The following JAK2 variants were observed in gnomAD, a reference collection of about 807,000 sequenced individuals.
JAK2 encodes the protein Janus kinase 2, also known as tyrosine-protein kinase JAK2.
A neutral mutation model predicts 139.3 loss-of-function variants in JAK2; 86 were observed. The ratio of observed to expected loss-of-function variants is 0.62; its 90% CI spans 0.52 to 0.74. The LOEUF (loss-of-function observed/expected upper bound fraction) is 0.74. Ranked by LOEUF, JAK2 falls within the 30% of genes least tolerant of loss-of-function variation. JAK2 has a pLI of 0.00. For synonymous variants in JAK2, 490 were observed against 437.7 expected (o/e 1.12, Z -1.49); for missense variants, 1,421 against 1,360.3 (o/e 1.04, Z -0.70).
intron 22 of JAK2, chr9:5,112,570 C>A: frequency 3.0e-6 from 2 of 658,344 alleles, no homozygotes; most frequent in African/African-American, 1.9e-5. Context: ...CAGGGAGCGG[C>A]TGCGGGTCCC....
At chr9:5,077,058 AATTGTT>A (rs1363238842) in intron 14 of JAK2, among the ~76,000 whole-genome samples, 1 of 152,112 alleles carries the variant, frequency 6.6e-6, no homozygotes, top group East Asian at 1.9e-4. Flanking sequence ...TACTATAGAC[AATTGTT>A]AGTAATTTTT....
In JAK2 at chr9:5,041,945, T is replaced by A. The variant is rs1411823237; in HGVS notation, c.351-2458T>A. On this transcript the variant is annotated intron_variant, in intron 4 of 24. Coordinates refer to ENST00000381652, the MANE Select transcript of JAK2 (RefSeq NM_004972.4). ...ACGAAATGCTGCTGTTTCTTCCCCC[T>A]GAATCTTCTCCGTGCGGCCCCTTGG... 3.6e-5 allele frequency: 14 copies of A among 385,274 alleles called. No homozygotes were observed. The East Asian group carries it at 4.0e-4, about 11-fold the overall frequency. The allele number at this position is 385,274 out of a possible 1,614,324, so 23.9% of individuals were successfully genotyped here.
At chr9:5,027,942 A>G (rs1822884900) in intron 3 of JAK2, among the ~76,000 whole-genome samples, 1 of 152,196 alleles carries the variant, frequency 6.6e-6, no homozygotes, top group South Asian at 2.1e-4. Context: ...TAAATCCCTC[A>G]AAGATACCCA....
At chr9:5,126,176 T>G in intron 23 of JAK2, 157 bp from the exon 24 acceptor site, 1 of 548,722 alleles carries the variant, frequency 1.8e-6, no homozygotes, top group Admixed American at 3.5e-5. Flanking sequence ...TTAACAGCCT[T>G]ATGTTTTTGA....
rs139647461 is a variant in JAK2 at position 5,050,167 on chromosome 9, T to C, written c.469-519T>C. 3.0e-3 allele frequency among the ~76,000 whole-genome samples: 455 copies of C among 152,344 alleles called. 4 individuals are homozygous for C. The highest frequency in any genetic ancestry group is 0.01 in the African/African-American group (426 of 41,574). On this transcript the variant is annotated intron_variant, in intron 5 of 24. Transcript: ENST00000381652. ...TAATTTGAAGATATATTTAATGAAATAGGTTGATGTTATATGTACTCTGTA... is the reference window on the plus strand; with the variant it reads ...TAATTTGAAGATATATTTAATGAAACAGGTTGATGTTATATGTACTCTGTA...
At chr9:5,073,471 T>G (rs1819106230) in intron 13 of JAK2, among the ~76,000 whole-genome samples, 1 of 152,160 alleles carries the variant, frequency 6.6e-6, no homozygotes, top group South Asian at 2.1e-4. Context: ...GTACCACTCT[T>G]GCTCTCTCTC....
At position 5,054,894 on chromosome 9, in the gene JAK2, AATG is replaced by A; in HGVS notation, c.936+13_936+15del. Reference sequence around the variant, plus strand: ...GACACTGACAGAACAGGTAATCCTTAATGATATGTTCTTGTTCTTTGTTATTTT... The same window carrying A: ...GACACTGACAGAACAGGTAATCCTTAATATGTTCTTGTTCTTTGTTATTTT... On this transcript the variant is annotated intron_variant, in intron 7 of 24. Transcript: ENST00000381652. This position sits in a 1 kb window ranked among gnomAD's most constrained non-coding sequence, Gnocchi z 4.9. 6.5e-7 allele frequency: 1 copy of A among 1,540,530 alleles called. No homozygotes were observed. The highest frequency in any genetic ancestry group is 8.8e-7 in the Non-Finnish European group (1 of 1,132,238).
rs904795776 is a variant in JAK2 at position 5,080,220 on chromosome 9, A to G, written c.2132-9A>G. The G allele has an allele frequency of 1.2e-6, 2 of 1,603,738 alleles. No individual in the cohort carries two copies. Among genetic ancestry groups the G allele is most frequent in the Non-Finnish European group, 1.7e-6 (2 of 1,173,176 alleles). On this transcript the variant is annotated splice_polypyrimidine_tract_variant and intron_variant, in intron 16 of 24. Coordinates refer to ENST00000381652, the MANE Select transcript of JAK2 (RefSeq NM_004972.4). ...TATTTAACCCTACTCTGTTCGTATC[A>G]TTTAAAAGTTCTTCAGGAGAGAATA...
intron 22 of JAK2, chr9:5,112,464 C>A: frequency 1.8e-6 from 1 of 544,786 alleles, no homozygotes. Context: ...TGAAGGACCC[C>A]CGGGACCGGA....
rs752189813 is a variant in JAK2 at position 5,018,029 on chromosome 9, T to G, written c.-25-3934T>G. On this transcript the variant is annotated intron_variant, in intron 2 of 24. Coordinates refer to ENST00000381652, the MANE Select transcript of JAK2 (RefSeq NM_004972.4). ...GTTTTGTAAGTGGCATGTAGTTGGG[T>G]CATGTTTTTTAGTCCATTTAGCCAT... Among the ~76,000 whole-genome samples the G allele has an allele frequency of 7.9e-5, 12 of 152,310 alleles. No homozygotes were observed. The South Asian group carries it at 8.3e-4, about 11-fold the overall frequency.
intron 2 of JAK2, among the ~76,000 whole-genome samples, chr9:4,997,688 A>G (rs1005951065): frequency 6.6e-6 from 1 of 152,190 alleles, no homozygotes; most frequent in Non-Finnish European, 1.5e-5. Context: ...ATAGGCAACA[A>G]TTGAATATAT....
chr9:5,087,548 T>A (rs1419689085), intron 19 of JAK2, among the ~76,000 whole-genome samples: 1 of 152,234 alleles, frequency 6.6e-6, no homozygotes, highest in African/African-American at 2.4e-5. Context: ...TTCTTTTCGC[T>A]GTATTTTTCT....
intron 5 of JAK2, among the ~76,000 whole-genome samples, chr9:5,045,778 A>G (rs1258181787): frequency 6.6e-6 from 1 of 152,182 alleles, no homozygotes; most frequent in East Asian, 1.9e-4. Flanking sequence ...ATAATATTCC[A>G]TTGCATATGT....
intron 4 of JAK2, chr9:5,041,630 C>G: frequency 2.0e-6 from 1 of 500,790 alleles, no homozygotes; most frequent in South Asian, 1.6e-5. Flanking sequence ...GGCGCCTGGA[C>G]TTTGAGAAGC....
intron 4 of JAK2, chr9:5,041,190 A>G: frequency 2.9e-6 from 4 of 1,401,244 alleles, no homozygotes; most frequent in Non-Finnish European, 4.0e-6. Flanking sequence ...CTCATTTACC[A>G]GGACGTGAAG....
intron 3 of JAK2, among the ~76,000 whole-genome samples, chr9:5,022,420 T>C (rs577082095): frequency 6.6e-5 from 10 of 152,186 alleles, no homozygotes; most frequent in African/African-American, 2.4e-4. Context: ...CAAAACAAAT[T>C]GATGCCCATA....
At position 5,088,409 on chromosome 9, in the gene JAK2, CAAT is replaced by C. The variant is rs1201943328; in HGVS notation, c.2572-1260_2572-1258del. On this transcript the variant is annotated intron_variant, in intron 19 of 24. Transcript: ENST00000381652. ...TACATTGTTTTATCCTGTAAGAATG[CAAT>C]AATATCCAAAATACACTAATTTGAT... is the stretch of plus-strand genomic sequence containing the variant. Among the ~76,000 whole-genome samples, 4 of 152,074 alleles carry C rather than the reference CAAT, an allele frequency of 2.6e-5. No individual in the cohort carries two copies. In the South Asian group the frequency reaches 6.2e-4, roughly 24 times the overall value.
rs113528005 is a variant in JAK2 at position 4,994,008 on chromosome 9, C to T, written c.-26+7986C>T. Reference sequence around the variant, plus strand: ...ATGTCCTGTCTAGGGTTGGTTCCCACCTTGTGCCTTGAGTTGCTAGGATAG... The same window carrying T: ...ATGTCCTGTCTAGGGTTGGTTCCCATCTTGTGCCTTGAGTTGCTAGGATAG... On this transcript the variant is annotated intron_variant, in intron 2 of 24. Transcript: ENST00000381652. Among the ~76,000 whole-genome samples, 882 of 152,260 alleles carry T rather than the reference C, an allele frequency of 5.8e-3. 9 individuals are homozygous for T. The highest frequency in any genetic ancestry group is 0.02 in the African/African-American group (841 of 41,524).
intron 22 of JAK2, chr9:5,112,015 G>C: frequency 2.5e-6 from 1 of 400,696 alleles, no homozygotes; most frequent in Non-Finnish European, 5.0e-6. Flanking sequence ...CACTAGCCTG[G>C]AGCAGGAGTC....
Sources: gnomAD v4.1 joint callset for allele counts (sites outside exome capture counted in the v4.1 genomes callset) on GRCh38, gnomAD v4.1.1 for gene constraint, Gnocchi (gnomAD v3.1) non-coding constraint, MANE v1.5 for transcripts, NCBI Gene and HGNC (gene_info 2026-07-23, HGNC 2026-07-21) for gene names.